Variants in ADGRL2 observed in about 807,000 individuals in gnomAD.
ADGRL2 encodes adhesion G protein-coupled receptor L2.
ADGRL2 carries 44 observed loss-of-function variants against 157.4 expected under a neutral mutation model. The ratio of observed to expected loss-of-function variants is 0.28; its 90% CI spans 0.22 to 0.36. The LOEUF (loss-of-function observed/expected upper bound fraction) is 0.36. Among genes scored for constraint, ADGRL2 ranks in the 10% least tolerant of loss-of-function variants. The pLI, the probability that ADGRL2 is intolerant of heterozygous loss-of-function variation, is 1.00. For missense variants in ADGRL2, 1,510 were observed against 1,768.9 expected, an observed-to-expected ratio of 0.85 and a Z score of 2.63; for synonymous variants, 585 against 624.7, an observed-to-expected ratio of 0.94 and a Z score of 0.95.
At chr1:81,633,594 T>TCA (rs2082055626) in intron 3 of ADGRL2, among the ~76,000 whole-genome samples, 2 of 42,712 alleles carry the variant, frequency 4.7e-5, no homozygotes, top group Non-Finnish European at 1.0e-4. Context: ...AGACTCTGTC[T>TCA]CAAAAAAAAA....
chr1:81,505,458 TC>T (rs2078952872), intron 2 of ADGRL2, among the ~76,000 whole-genome samples: 2 of 150,452 alleles, frequency 1.3e-5, no homozygotes, highest in Non-Finnish European at 3.0e-5. Context: ...GGTCATTGGA[TC>T]CTCTCCCTTT....
chr1:81,437,876 A>T (rs1041402823), intron 1 of ADGRL2, among the ~76,000 whole-genome samples: 2 of 152,190 alleles, frequency 1.3e-5, no homozygotes, highest in African/African-American at 4.8e-5. Flanking sequence ...CGAGTTATAA[A>T]CTTGTATTTG....
rs146727618 is a variant in ADGRL2 at position 81,452,199 on chromosome 1, C to G, written c.-248+7110C>G. 3.9e-5 allele frequency among the ~76,000 whole-genome samples: 6 copies of G among 152,224 alleles called. No individual in the cohort carries two copies. The East Asian group carries it at 1.2e-3, about 29-fold the overall frequency. On this transcript the variant is annotated intron_variant, in intron 2 of 24. Transcript: ENST00000370721. Reference sequence around the variant, plus strand: ...CAGGATGCAAGTTTTTATCATTTAGCTCATTGGGAAAGACTTTACTCTTAA... The same window carrying G: ...CAGGATGCAAGTTTTTATCATTTAGGTCATTGGGAAAGACTTTACTCTTAA...
chr1:81,407,595 TA>T (rs1296880437), intron 1 of ADGRL2, among the ~76,000 whole-genome samples: 1 of 152,256 alleles, frequency 6.6e-6, no homozygotes, highest in Non-Finnish European at 1.5e-5. Flanking sequence ...TCATGGCTTT[TA>T]TTTAAGGGTG....
At chr1:81,571,381 G>GTA (rs891812494) in intron 2 of ADGRL2, among the ~76,000 whole-genome samples, 1 of 145,772 alleles carries the variant, frequency 6.9e-6, no homozygotes, top group Admixed American at 6.9e-5. Flanking sequence ...TTGTATATAT[G>GTA]TATATATATG....
intron 6 of ADGRL2, among the ~76,000 whole-genome samples, chr1:81,949,811 G>C (rs1471388576): frequency 2.0e-5 from 3 of 152,090 alleles, no homozygotes; most frequent in Non-Finnish European, 4.4e-5. Flanking sequence ...ATTGCTTATA[G>C]AATGTGAGTT....
intron 3 of ADGRL2, among the ~76,000 whole-genome samples, chr1:81,642,934 T>C (rs942670255): frequency 2.0e-5 from 3 of 152,288 alleles, no homozygotes; most frequent in Non-Finnish European, 4.4e-5. Flanking sequence ...CTTCTTTAAT[T>C]TGATGAAAAA....
chr1:81,507,303 T>C (rs1391413424), intron 2 of ADGRL2, among the ~76,000 whole-genome samples: 1 of 151,998 alleles, frequency 6.6e-6, no homozygotes, highest in Non-Finnish European at 1.5e-5. Context: ...GACTTAATAT[T>C]GATAGAAAGT....
At chr1:81,544,394 TATA>T (rs1259660051) in intron 2 of ADGRL2, among the ~76,000 whole-genome samples, 1 of 152,210 alleles carries the variant, frequency 6.6e-6, no homozygotes, top group African/African-American at 2.4e-5. Flanking sequence ...TTTTCCCTGT[TATA>T]ATATTTCTGG....
intron 2 of ADGRL2, among the ~76,000 whole-genome samples, chr1:81,876,640 C>T (rs1156469326): frequency 6.6e-6 from 1 of 152,106 alleles, no homozygotes; most frequent in Non-Finnish European, 1.5e-5. Flanking sequence ...GAAGTTAGGA[C>T]TTTCTGAAGC....
In ADGRL2 at chr1:81,862,546, G is replaced by A. The variant is rs572185901; in HGVS notation, c.73+25489G>A. 2.6e-5 allele frequency among the ~76,000 whole-genome samples: 4 copies of A among 152,210 alleles called. No individual in the cohort carries two copies. The South Asian group carries it at 8.3e-4, about 32-fold the overall frequency. The stretch of plus-strand genomic sequence containing the variant: ...CCTTGTTATATCTTAATAAGAGCAG[G>A]TACCATGACTTTGTCACTATATATG... On this transcript the variant is annotated intron_variant, in intron 2 of 23. Coordinates refer to ENST00000686636, the MANE Select transcript of ADGRL2 (RefSeq NM_001366006.2).
At chr1:81,722,062 G>A (rs922642539) in intron 1 of ADGRL2, 6 of 392,984 alleles carry the variant, frequency 1.5e-5, no homozygotes, top group Non-Finnish European at 2.9e-5. Context: ...GGAGGCCGAG[G>A]CGGGCGGATC....
intron 3 of ADGRL2, among the ~76,000 whole-genome samples, chr1:81,636,681 A>C (rs1264343291): frequency 6.6e-6 from 1 of 152,146 alleles, no homozygotes; most frequent in East Asian, 1.9e-4. Flanking sequence ...TTCTCTAGAG[A>C]TTAATGAAAA....
intron 2 of ADGRL2, among the ~76,000 whole-genome samples, chr1:81,450,878 A>G (rs954602007): frequency 2.6e-5 from 4 of 152,114 alleles, no homozygotes; most frequent in African/African-American, 9.7e-5. Flanking sequence ...AGTCCCCCCA[A>G]AGTAAAAATC....
chr1:81,881,974 C>CT (rs1171809249), intron 2 of ADGRL2, among the ~76,000 whole-genome samples: 1 of 152,096 alleles, frequency 6.6e-6, no homozygotes, highest in African/African-American at 2.4e-5. Context: ...ACCATCCCCC[C>CT]TTTTTTTCCT....
intron 2 of ADGRL2, among the ~76,000 whole-genome samples, chr1:81,553,333 A>C (rs564768573): frequency 1.2e-4 from 19 of 152,190 alleles, no homozygotes; most frequent in Admixed American, 6.5e-4. Flanking sequence ...TGCCAAATTT[A>C]AGCACCCGGT....
intron 3 of ADGRL2, among the ~76,000 whole-genome samples, chr1:81,911,988 A>T (rs973458152): frequency 1.1e-4 from 16 of 152,106 alleles, no homozygotes; most frequent in African/African-American, 2.9e-4. Context: ...TAACCAAAAA[A>T]ATTTTACTTA....
chr1:81,978,416 C>T (rs1400625190), intron 17 of ADGRL2, among the ~76,000 whole-genome samples: 1 of 151,656 alleles, frequency 6.6e-6, no homozygotes, highest in Non-Finnish European at 1.5e-5. Context: ...TATTTTAAGA[C>T]ATTATTAAAT....
At chr1:81,591,466 G>T (rs1231552305) in intron 3 of ADGRL2, among the ~76,000 whole-genome samples, 1 of 152,152 alleles carries the variant, frequency 6.6e-6, no homozygotes. Context: ...CTCTTTAAAT[G>T]ATGCTAATGA....
Sources: gnomAD v4.1 joint callset for allele counts (sites outside exome capture counted in the v4.1 genomes callset) on GRCh38, gnomAD v4.1.1 for gene constraint, MANE v1.5 for transcripts, NCBI Gene and HGNC (gene_info 2026-07-23, HGNC 2026-07-21) for gene names.